CFAP77: variants seen among roughly 807,000 people sequenced by gnomAD.
CFAP77 encodes the protein cilia and flagella associated protein 77, also known as cilia- and flagella-associated protein 77.
CFAP77 carries 25 observed loss-of-function variants against 31.1 expected under a neutral mutation model. That is an observed-to-expected ratio of 0.80 (90% CI 0.59 to 1.12). The LOEUF is 1.12. CFAP77 is among the 50% of genes most tolerant of loss of function. CFAP77 has a pLI of 0.00. For missense variants in CFAP77, 377 were observed against 397.3 expected (o/e 0.95, Z 0.44); for synonymous variants, 151 against 159.9 (o/e 0.94, Z 0.42).
chr9:132,476,295 C>T (rs557592481), intron 1 of CFAP77, among the ~76,000 whole-genome samples: 1 of 152,198 alleles, frequency 6.6e-6, no homozygotes, highest in South Asian at 2.1e-4. Flanking sequence ...TCACTGTGTC[C>T]CATACCGCAT....
At chr9:132,566,899 G>T (rs1471055932) in intron 5 of CFAP77, among the ~76,000 whole-genome samples, 1 of 152,200 alleles carries the variant, frequency 6.6e-6, no homozygotes, top group Non-Finnish European at 1.5e-5. Context: ...GCCGCTGGAG[G>T]CCAGACAGAT....
chr9:132,524,560 C>T (rs1377617630), intron 3 of CFAP77, among the ~76,000 whole-genome samples: 1 of 151,524 alleles, frequency 6.6e-6, no homozygotes, highest in Non-Finnish European at 1.5e-5. Flanking sequence ...TTTCAGTGAG[C>T]AGGAATTGTG....
intron 1 of CFAP77, among the ~76,000 whole-genome samples, chr9:132,450,897 G>T (rs1317376718): frequency 6.6e-6 from 1 of 152,172 alleles, no homozygotes. Flanking sequence ...AAATGAATGG[G>T]TTGGAGAGCT....
intron 1 of CFAP77, among the ~76,000 whole-genome samples, chr9:132,487,069 A>ACGGT (rs2118925711): frequency 6.6e-6 from 1 of 152,350 alleles, no homozygotes; most frequent in South Asian, 2.1e-4. Context: ...GGGGCTCCCC[A>ACGGT]CGGTCCGCGG....
At position 132,424,520 on chromosome 9, in the gene CFAP77, C is replaced by T. The variant is rs1348023862; in HGVS notation, c.195+14054C>T. On this transcript the variant is annotated intron_variant, in intron 1 of 5. Transcript: ENST00000393216. The surrounding 1 kb of genome is among the most constrained non-coding windows in gnomAD (Gnocchi z 4.1). ...GGGACAGGTGTAGACAATGGCTAGA[C>T]AAGGTGAGAAATTGGCTGCCATGAG... is the stretch of plus-strand genomic sequence containing the variant. Among the ~76,000 whole-genome samples the T allele has an allele frequency of 6.6e-6, 1 of 152,156 alleles. No individual in the cohort carries two copies. Among genetic ancestry groups the T allele is most frequent in the Non-Finnish European group, 1.5e-5 (1 of 68,034 alleles).
At chr9:132,515,609 T>C (rs1852131789) in intron 3 of CFAP77, among the ~76,000 whole-genome samples, 1 of 152,172 alleles carries the variant, frequency 6.6e-6, no homozygotes, top group Non-Finnish European at 1.5e-5. Flanking sequence ...AGTTCTTCCT[T>C]TCAGGCCTCA....
intron 1 of CFAP77, among the ~76,000 whole-genome samples, chr9:132,441,041 CT>C (rs1474262697): frequency 2.6e-5 from 4 of 152,144 alleles, no homozygotes; most frequent in African/African-American, 9.7e-5. Flanking sequence ...CCCTTCTCTC[CT>C]TGCCTCTTAC....
rs1851769207 is a variant in CFAP77, at chr9:132,497,810, C to T, written c.196-885C>T. 6.6e-5 allele frequency among the ~76,000 whole-genome samples: 10 copies of T among 152,270 alleles called. No homozygotes were observed. Among genetic ancestry groups the T allele is most frequent in the Admixed American group, 5.9e-4 (9 of 15,300 alleles). On this transcript the variant is annotated intron_variant, in intron 1 of 5. Coordinates refer to ENST00000393216, the MANE Select transcript of CFAP77 (RefSeq NM_001282957.2). The surrounding 1 kb of genome is among the most constrained non-coding windows in gnomAD (Gnocchi z 4.9). The stretch of plus-strand genomic sequence containing the variant: ...GGATGCAGTCCGAACCCAGCAAGTG[C>T]CCACTGATGCAGCGGGTGCGATGGG...
rs1207445055 is a variant in CFAP77 at position 132,565,434 on chromosome 9, A to C, written c.733-6954A>C. Among the ~76,000 whole-genome samples the C allele has an allele frequency of 6.6e-6, 1 of 152,130 alleles. No individual in the cohort carries two copies. Among genetic ancestry groups the C allele is most frequent in the Non-Finnish European group, 1.5e-5 (1 of 68,032 alleles). ...CACCTGAGGTCAGGAGTTCCAGAGC[A>C]GCCTGGCTAACATGGTAAAACCCCG... On this transcript the variant is annotated intron_variant, in intron 5 of 5. Transcript: ENST00000393216. The surrounding 1 kb of genome is among the most constrained non-coding windows in gnomAD (Gnocchi z 4.1).
At chr9:132,556,986 G>A (rs1199448843) in intron 5 of CFAP77, among the ~76,000 whole-genome samples, 1 of 152,220 alleles carries the variant, frequency 6.6e-6, no homozygotes, top group Non-Finnish European at 1.5e-5. Flanking sequence ...GAAGTTTCGT[G>A]GCTCCGGCGC....
At position 132,554,364 on chromosome 9, in the gene CFAP77, T is replaced by C. The variant is rs1852865353; in HGVS notation, c.732+11317T>C. 6.6e-6 allele frequency among the ~76,000 whole-genome samples: 1 copy of C among 151,744 alleles called. No homozygotes were observed. Among genetic ancestry groups the C allele is most frequent in the African/African-American group, 2.4e-5 (1 of 41,168 alleles). On this transcript the variant is annotated intron_variant, in intron 5 of 5. Transcript: ENST00000393216. The surrounding 1 kb of genome is among the most constrained non-coding windows in gnomAD (Gnocchi z 4.1). ...TTTTTATTTTATTTATTTTTTTTTT[T>C]GAGACAGGCTCTCACTCTGTCACCC... is the stretch of plus-strand genomic sequence containing the variant.
rs931852255 is a variant in CFAP77 at position 132,511,556 on chromosome 9, G to A, written c.524+11956G>A. Among the ~76,000 whole-genome samples, 2 of 152,218 alleles carry A rather than the reference G, an allele frequency of 1.3e-5. No homozygotes were observed. The highest frequency in any genetic ancestry group is 1.3e-4 in the Admixed American group (2 of 15,288). On this transcript the variant is annotated intron_variant, in intron 3 of 5. Coordinates refer to ENST00000393216, the MANE Select transcript of CFAP77 (RefSeq NM_001282957.2). The surrounding 1 kb of genome is among the most constrained non-coding windows in gnomAD (Gnocchi z 5.8). Reference sequence around the variant, plus strand: ...ACGCTTGTTGACTGACTGCGTGAGAGGGAACAGATTGCTCAAATGCAGTGC... The same window carrying A: ...ACGCTTGTTGACTGACTGCGTGAGAAGGAACAGATTGCTCAAATGCAGTGC...
At chr9:132,551,589 C>G (rs1852821226) in intron 5 of CFAP77, among the ~76,000 whole-genome samples, 1 of 152,228 alleles carries the variant, frequency 6.6e-6, no homozygotes, top group Non-Finnish European at 1.5e-5. Context: ...AGCCACCACG[C>G]CCGGCCCAAG....
chr9:132,524,735 G>A (rs1230611112), intron 3 of CFAP77, among the ~76,000 whole-genome samples: 1 of 151,768 alleles, frequency 6.6e-6, no homozygotes, highest in Non-Finnish European at 1.5e-5. Context: ...TGCAAGCTCC[G>A]CCTCCCGGGT....
At chr9:132,504,284 C>T (rs1851899038) in intron 3 of CFAP77, among the ~76,000 whole-genome samples, 1 of 152,338 alleles carries the variant, frequency 6.6e-6, no homozygotes, top group African/African-American at 2.4e-5. Context: ...CACAGCTTCT[C>T]ATCCTAGTGC....
In CFAP77 at chr9:132,552,840, C is replaced by G. The variant is rs546230507; in HGVS notation, c.732+9793C>G. On this transcript the variant is annotated intron_variant, in intron 5 of 5. Coordinates refer to ENST00000393216, the MANE Select transcript of CFAP77 (RefSeq NM_001282957.2). This position sits in a 1 kb window ranked among gnomAD's most constrained non-coding sequence, Gnocchi z 5.5. ...TCAACTCCACTCTTACAGTTACGTT[C>G]AAATATGTGTTTACTGTGGCAGGTG... Among the ~76,000 whole-genome samples the G allele has an allele frequency of 1.3e-5, 2 of 152,228 alleles. No individual in the cohort carries two copies. The highest frequency in any genetic ancestry group is 4.1e-4 in the South Asian group (2 of 4,824).
chr9:132,444,720 T>C (rs887407256), intron 1 of CFAP77, among the ~76,000 whole-genome samples: 3 of 152,194 alleles, frequency 2.0e-5, no homozygotes, highest in Non-Finnish European at 2.9e-5. Context: ...TGATCTTTTT[T>C]CTTTAAAATT....
intron 1 of CFAP77, among the ~76,000 whole-genome samples, chr9:132,427,896 T>C (rs1850343855): frequency 6.6e-6 from 1 of 152,216 alleles, no homozygotes; most frequent in African/African-American, 2.4e-5. Context: ...TCTCAGGTAC[T>C]GGGAGTTAGG....
chr9:132,540,263 C>T (rs62578600), intron 4 of CFAP77, among the ~76,000 whole-genome samples: 1,701 of 152,228 alleles, frequency 0.011, 12 homozygotes, highest in Non-Finnish European at 0.019. Flanking sequence ...AGGTATTTCA[C>T]GCATCCCAGA....
Sources: gnomAD v4.1 joint callset for allele counts (sites outside exome capture counted in the v4.1 genomes callset) on GRCh38, gnomAD v4.1.1 for gene constraint, Gnocchi (gnomAD v3.1) non-coding constraint, MANE v1.5 for transcripts, NCBI Gene and HGNC (gene_info 2026-07-23, HGNC 2026-07-21) for gene names.